Variants in TSPAN9 observed in about 807,000 individuals in gnomAD.
The protein encoded by TSPAN9 is tetraspanin 9, also known as tetraspanin-9.
Under a neutral mutation model 31.0 loss-of-function variants are expected in TSPAN9, and 16 were observed. The ratio of observed to expected loss-of-function variants is 0.52; its 90% confidence interval spans 0.35 to 0.78. The LOEUF is 0.78. Among genes scored for constraint, TSPAN9 ranks in the 30% least tolerant of loss-of-function variants. The pLI is 0.01. For synonymous variants in TSPAN9, 145 were observed against 121.6 expected (o/e 1.19, Z -1.27); for missense variants, 272 against 312.5 (o/e 0.87, Z 0.98).
intron 3 of TSPAN9, among the ~76,000 whole-genome samples, chr12:3,245,000 C>T (rs998135638): frequency 8.5e-5 from 13 of 152,198 alleles, no homozygotes; most frequent in Admixed American, 1.3e-4. Flanking sequence ...GTGGGCATCC[C>T]GGTCTTTCCA....
intron 2 of TSPAN9, among the ~76,000 whole-genome samples, chr12:3,127,426 G>C (rs1265859242): frequency 6.6e-6 from 1 of 151,890 alleles, no homozygotes; most frequent in East Asian, 1.9e-4. Context: ...CGCAATCTCG[G>C]CTCACTGCAA....
chr12:3,131,359 G>A (rs568167988), intron 2 of TSPAN9, among the ~76,000 whole-genome samples: 11 of 152,208 alleles, frequency 7.2e-5, no homozygotes, highest in East Asian at 1.9e-4. Flanking sequence ...CGTTCTCTGC[G>A]CTGATGGTGG....
chr12:3,269,490 C>T (rs866999678), intron 3 of TSPAN9, among the ~76,000 whole-genome samples: 60 of 84,920 alleles, frequency 7.1e-4, no homozygotes, highest in South Asian at 2.6e-3. Context: ...CTCTGTGTTT[C>T]TGCAGCCTGC....
intron 2 of TSPAN9, among the ~76,000 whole-genome samples, chr12:3,169,838 C>T (rs894671500): frequency 2.6e-5 from 4 of 152,106 alleles, no homozygotes; most frequent in South Asian, 2.1e-4. Flanking sequence ...GGGTGGCTTC[C>T]TGGAGCCTGG....
intron 3 of TSPAN9, among the ~76,000 whole-genome samples, chr12:3,238,755 G>C (rs936240173): frequency 6.6e-6 from 1 of 152,234 alleles, no homozygotes; most frequent in African/African-American, 2.4e-5. Flanking sequence ...GGGAAAGTCA[G>C]CAGAGGCCAT....
intron 2 of TSPAN9, among the ~76,000 whole-genome samples, chr12:3,178,782 C>T (rs1040673309): frequency 7.9e-5 from 12 of 152,154 alleles, no homozygotes; most frequent in African/African-American, 2.2e-4. Flanking sequence ...GGCCTCTGGT[C>T]GCGCTCACTT....
At chr12:3,263,330 CAT>C (rs1007967834) in intron 3 of TSPAN9, among the ~76,000 whole-genome samples, 2 of 152,218 alleles carry the variant, frequency 1.3e-5, no homozygotes, top group African/African-American at 4.8e-5. Context: ...GTTGGCAGCA[CAT>C]AGTCAGTGAG....
At chr12:3,127,443 T>C (rs1252604107) in intron 2 of TSPAN9, among the ~76,000 whole-genome samples, 9 of 151,532 alleles carry the variant, frequency 5.9e-5, no homozygotes, top group Admixed American at 4.6e-4. Flanking sequence ...GCAAGCTCCG[T>C]CTCCTGGGTT....
At chr12:3,183,981 A>G (rs1414743926) in intron 2 of TSPAN9, among the ~76,000 whole-genome samples, 3 of 152,102 alleles carry the variant, frequency 2.0e-5, no homozygotes, top group Non-Finnish European at 4.4e-5. Flanking sequence ...CATTGCTTCT[A>G]CAGTTATAAT....
intron 2 of TSPAN9, chr12:3,124,637 C>G (rs987396412): frequency 6.6e-6 from 1 of 151,992 alleles, no homozygotes; most frequent in Non-Finnish European, 1.5e-5. Flanking sequence ...CTTGAACTCC[C>G]AACCTCAGGT....
intron 3 of TSPAN9, among the ~76,000 whole-genome samples, chr12:3,269,157 T>C (rs1411709843): frequency 2.9e-5 from 3 of 104,028 alleles, no homozygotes; most frequent in African/African-American, 7.1e-5. Context: ...GCTTGCCCTC[T>C]GTGCGTTCCT....
At chr12:3,144,211 C>T (rs2153967998) in intron 2 of TSPAN9, among the ~76,000 whole-genome samples, 1 of 152,296 alleles carries the variant, frequency 6.6e-6, no homozygotes, top group African/African-American at 2.4e-5. Context: ...GGTGATTCTT[C>T]TGCCTCAGCC....
chr12:3,220,145 C>CAAAAAA (rs55735802), intron 3 of TSPAN9, among the ~76,000 whole-genome samples: 1 of 137,348 alleles, frequency 7.3e-6, no homozygotes, highest in African/African-American at 2.9e-5. Flanking sequence ...AACTCTGTCT[C>CAAAAAA]AAAAAAAAAA....
At chr12:3,174,207 A>G (rs1017197717) in intron 2 of TSPAN9, among the ~76,000 whole-genome samples, 3 of 152,146 alleles carry the variant, frequency 2.0e-5, no homozygotes, top group African/African-American at 7.2e-5. Flanking sequence ...ACCTGGGGCT[A>G]CAGGCACATG....
At chr12:3,161,356 A>G (rs1462177933) in intron 2 of TSPAN9, among the ~76,000 whole-genome samples, 1 of 152,222 alleles carries the variant, frequency 6.6e-6, no homozygotes, top group Non-Finnish European at 1.5e-5. Flanking sequence ...TTGTCTTCTA[A>G]GAGGTTTATA....
chr12:3,089,237 AG>A (rs1591621774), intron 2 of TSPAN9, among the ~76,000 whole-genome samples: 2 of 150,636 alleles, frequency 1.3e-5, no homozygotes, highest in African/African-American at 2.4e-5. Flanking sequence ...ATCTCAAAAA[AG>A]AAAAAAAAAA....
At chr12:3,201,818 C>G (rs1439527182) in intron 3 of TSPAN9, among the ~76,000 whole-genome samples, 1 of 152,216 alleles carries the variant, frequency 6.6e-6, no homozygotes, top group African/African-American at 2.4e-5. Context: ...GCCGATGGAC[C>G]TGCTTGCTAG....
At chr12:3,248,133 A>T (rs1862174954) in intron 3 of TSPAN9, among the ~76,000 whole-genome samples, 1 of 152,132 alleles carries the variant, frequency 6.6e-6, no homozygotes, top group Admixed American at 6.5e-5. Flanking sequence ...TTTCCTGGCA[A>T]TGTCTGTCCC....
intron 1 of TSPAN9, among the ~76,000 whole-genome samples, chr12:3,081,834 G>GTATATATATATATA (rs1477420908): frequency 1.3e-5 from 1 of 75,762 alleles, no homozygotes; most frequent in African/African-American, 6.9e-5. Flanking sequence ...GTGTGTGTGT[G>GTATATATATATATA]TCTGTGTGTG....
Sources: gnomAD v4.1 joint callset for allele counts (sites outside exome capture counted in the v4.1 genomes callset) on GRCh38, gnomAD v4.1.1 for gene constraint, MANE v1.5 for transcripts, NCBI Gene and HGNC (gene_info 2026-07-23, HGNC 2026-07-21) for gene names.